RGS6: variants seen among roughly 807,000 people sequenced by gnomAD.
RGS6 encodes regulator of G-protein signaling 6.
A neutral mutation model predicts 78.5 loss-of-function variants in RGS6; 30 were observed. The ratio of observed to expected loss-of-function variants is 0.38; its 90% confidence interval spans 0.29 to 0.52. The LOEUF is 0.52. Ranked by LOEUF, RGS6 falls within the 20% of genes least tolerant of loss-of-function variation. The pLI is 0.85. For missense variants in RGS6, 495 were observed against 609.7 expected, an observed-to-expected ratio of 0.81 and a Z score of 1.98; for synonymous variants, 206 against 206.0, an observed-to-expected ratio of 1.00 and a Z score of 0.00.
At chr14:71,900,952 AC>A in the RGS6 span, among the ~76,000 whole-genome samples, 1 of 152,062 alleles carries the variant, frequency 6.6e-6, no homozygotes, top group Non-Finnish European at 1.5e-5. Flanking sequence ...ACTCTTAACA[AC>A]CAGATCATGT....
intron 2 of RGS6, among the ~76,000 whole-genome samples, chr14:72,315,171 C>A (rs2069778304): frequency 1.3e-5 from 2 of 152,072 alleles, no homozygotes; most frequent in South Asian, 4.1e-4. Context: ...AGATTAGAAA[C>A]AAAAGCCAAG....
At chr14:72,556,194 A>G (rs779176093) in intron 17 of RGS6, among the ~76,000 whole-genome samples, 73 of 152,350 alleles carry the variant, frequency 4.8e-4, no homozygotes, top group Middle Eastern at 6.8e-3. Flanking sequence ...GTAATTTCTA[A>G]TGAAAAGAGG....
intron 2 of RGS6, among the ~76,000 whole-genome samples, chr14:72,214,761 C>T (rs1414532215): frequency 2.0e-5 from 3 of 151,900 alleles, no homozygotes; most frequent in African/African-American, 7.3e-5. Context: ...GAGTTTGAGT[C>T]CAGCCTGAGC....
intron 14 of RGS6, among the ~76,000 whole-genome samples, chr14:72,516,214 T>C (rs1252911504): frequency 6.6e-6 from 1 of 152,236 alleles, no homozygotes; most frequent in Non-Finnish European, 1.5e-5. Flanking sequence ...GAAAGCCTTG[T>C]AGGTACTCTC....
chr14:72,592,563 AC>A, the RGS6 span, among the ~76,000 whole-genome samples: 3 of 152,254 alleles, frequency 2.0e-5, no homozygotes, highest in African/African-American at 7.2e-5. Flanking sequence ...CAAGCTTCTC[AC>A]CCACACCTAC....
intron 12 of RGS6, among the ~76,000 whole-genome samples, chr14:72,485,741 C>G (rs559018193): frequency 2.3e-3 from 355 of 152,272 alleles, no homozygotes; most frequent in Non-Finnish European, 4.4e-3. Context: ...TGGAATTGAA[C>G]CCTGGGAAAG....
chr14:72,355,346 A>G (rs2080045538), intron 3 of RGS6, among the ~76,000 whole-genome samples: 1 of 152,020 alleles, frequency 6.6e-6, no homozygotes, highest in Admixed American at 6.6e-5. Flanking sequence ...GGCATCCGCC[A>G]CCACACCTGG....
chr14:71,989,718 C>T (rs1364970782), intron 2 of RGS6, among the ~76,000 whole-genome samples: 3 of 152,174 alleles, frequency 2.0e-5, no homozygotes, highest in Non-Finnish European at 4.4e-5. Context: ...TTAGCAGAGG[C>T]TGTGATAGAC....
rs959967433 is a variant in RGS6, at chr14:72,563,134, C to T, written c.*667C>T. On this transcript the variant is annotated 3_prime_UTR_variant, in exon 18 of 18. Transcript: ENST00000553525. ...GCGTTCGGAGAGGTCCCCGCCAGCC[C>T]GGTGGCTGCCCTCAGGTCCCGTCAC... 3.6e-5 allele frequency: 10 copies of T among 274,254 alleles called. No individual in the cohort carries two copies. The highest frequency in any genetic ancestry group is 2.1e-4 in the South Asian group (4 of 18,826). 17.0% of individuals were successfully genotyped at this position (274,254 alleles called of 1,614,324 possible). A position where few individuals can be genotyped will look rare whatever the true frequency, so the allele number is the denominator to read the frequency against.
intron 2 of RGS6, among the ~76,000 whole-genome samples, chr14:72,104,158 G>C (rs1209924552): frequency 6.6e-6 from 1 of 152,070 alleles, no homozygotes; most frequent in Non-Finnish European, 1.5e-5. Context: ...GTATCGTAGA[G>C]GTGTTTCTTT....
At chr14:72,589,082 T>G in the RGS6 span, among the ~76,000 whole-genome samples, 138 of 152,352 alleles carry the variant, frequency 9.1e-4, 1 homozygote, top group African/African-American at 3.2e-3. Flanking sequence ...AAATGACTGC[T>G]GAACACTTGG....
At chr14:72,309,536 G>A (rs1451420327) in intron 2 of RGS6, among the ~76,000 whole-genome samples, 2 of 152,242 alleles carry the variant, frequency 1.3e-5, no homozygotes, top group African/African-American at 4.8e-5. Context: ...AATGTTGGTA[G>A]TTTGTATATT....
intron 3 of RGS6, among the ~76,000 whole-genome samples, chr14:72,402,202 T>C (rs1315102711): frequency 6.6e-6 from 1 of 152,174 alleles, no homozygotes; most frequent in Non-Finnish European, 1.5e-5. Flanking sequence ...AAGATCTCTC[T>C]CAGGGCTCAG....
chr14:72,562,680 A>C lies in RGS6; in HGVS notation c.*213A>C. ...ACAGAGCCTGGGCTGGGCCCGGTGGAGGCTCCTGTTTACAGCCCTCTCTTC... is the reference window on the plus strand; with the variant it reads ...ACAGAGCCTGGGCTGGGCCCGGTGGCGGCTCCTGTTTACAGCCCTCTCTTC... On this transcript the variant is annotated 3_prime_UTR_variant, in exon 18 of 18. Transcript: ENST00000553525. 1 of 1,536,094 alleles carries C rather than the reference A, an allele frequency of 6.5e-7. No homozygotes were observed. The highest frequency in any genetic ancestry group is 8.7e-7 in the Non-Finnish European group (1 of 1,146,892).
chr14:71,889,313 G>A, the RGS6 span, among the ~76,000 whole-genome samples: 6 of 152,300 alleles, frequency 3.9e-5, no homozygotes, highest in Middle Eastern at 3.4e-3. Context: ...AACAGCAACC[G>A]AGGAAGAAGC....
intron 1 of RGS6, among the ~76,000 whole-genome samples, chr14:71,952,067 A>G (rs1380840949): frequency 6.6e-6 from 1 of 152,126 alleles, no homozygotes; most frequent in East Asian, 1.9e-4. Context: ...ATTACTTGTA[A>G]AAGAGTTATT....
intron 2 of RGS6, among the ~76,000 whole-genome samples, chr14:72,232,479 C>A (rs567967397): frequency 3.2e-4 from 43 of 135,924 alleles, no homozygotes; most frequent in South Asian, 6.6e-4. Flanking sequence ...TCCTTCCCAC[C>A]TCAGATCTTT....
intron 2 of RGS6, among the ~76,000 whole-genome samples, chr14:72,281,105 A>G (rs550204048): frequency 3.6e-4 from 54 of 151,762 alleles, no homozygotes; most frequent in African/African-American, 1.3e-3. Context: ...CAAATAAGGC[A>G]TATGTAGCAA....
At chr14:71,923,463 G>A in the RGS6 span, among the ~76,000 whole-genome samples, 3 of 152,328 alleles carry the variant, frequency 2.0e-5, no homozygotes, top group African/African-American at 7.2e-5. Flanking sequence ...GTGTACACCT[G>A]TAATCCCAGC....
Sources: allele counts gnomAD v4.1 joint callset (sites outside exome capture counted in the v4.1 genomes callset), GRCh38; gene constraint gnomAD v4.1.1; transcripts MANE v1.5; gene names NCBI Gene and HGNC (gene_info 2026-07-23, HGNC 2026-07-21).